Variants in SORCS1 observed in about 807,000 individuals in gnomAD.
The protein encoded by SORCS1 is VPS10 domain-containing receptor SorCS1.
SORCS1 carries 60 observed loss-of-function variants against 146.1 expected under a neutral mutation model. The observed-to-expected ratio is 0.41, with a 90% CI of 0.33 to 0.51. The LOEUF (loss-of-function observed/expected upper bound fraction) is 0.51. Ranked by LOEUF, SORCS1 falls within the 20% of genes least tolerant of loss-of-function variation. The pLI is 0.21. For missense variants in SORCS1, 1,352 were observed against 1,487.6 expected (o/e 0.91, Z 1.50); for synonymous variants, 637 against 584.0 (o/e 1.09, Z -1.31).
chr10:107,014,082 G>A lies in SORCS1; in HGVS notation c.559-57502C>T, dbSNP rs145327593. 9.8e-3 allele frequency among the ~76,000 whole-genome samples: 1,484 copies of A among 151,950 alleles called. 17 individuals are homozygous for A. Among genetic ancestry groups the A allele is most frequent in the Non-Finnish European group, 0.015 (1,012 of 67,952 alleles). ...ATCCTGGCCAACATGGTGAAACCCC[G>A]TCTCTACTAAAAATACAAAATTAGC... is the stretch of plus-strand genomic sequence containing the variant. On this transcript the variant is annotated intron_variant, in intron 1 of 25. Transcript: ENST00000263054.
In SORCS1 at chr10:106,607,171, C is replaced by G; in HGVS notation, c.3160G>C (p.Glu1054Gln). Reference protein sequence around the residue: ...GENKRSTDDLEQISELLIHTL... With the variant: ...GENKRSTDDLQQISELLIHTL... ...TCCTTTTCCAGGGGACTCACCTGCT[C>G]CAGGTCATCAGTTGACCTTTTGTTT... Residue 1054 changes from glutamate (E) to glutamine (Q), a missense_variant, in exon 23 of 26, where the codon GAG becomes CAG. Glu to Gln is a conservative substitution (Grantham distance 29). Coordinates refer to ENST00000263054, the MANE Select transcript of SORCS1 (RefSeq NM_052918.5). 6.2e-7 allele frequency: 1 copy of G among 1,613,956 alleles called. No individual in the cohort carries two copies. The highest frequency in any genetic ancestry group is 1.3e-5 in the African/African-American group (1 of 75,016).
intron 2 of SORCS1, among the ~76,000 whole-genome samples, chr10:106,892,649 T>C (rs1951280212): frequency 6.6e-6 from 1 of 152,192 alleles, no homozygotes; most frequent in South Asian, 2.1e-4. Context: ...TTAGGCAAGA[T>C]GTAAATATAA....
At chr10:106,940,245 T>C (rs963544355) in intron 2 of SORCS1, among the ~76,000 whole-genome samples, 2 of 152,236 alleles carry the variant, frequency 1.3e-5, no homozygotes, top group African/African-American at 4.8e-5. Flanking sequence ...CATTGATTAC[T>C]TGTGATAACT....
chr10:106,586,004 C>G (rs530209442), intron 24 of SORCS1, among the ~76,000 whole-genome samples: 2 of 152,180 alleles, frequency 1.3e-5, no homozygotes, highest in Non-Finnish European at 2.9e-5. Flanking sequence ...TAAGACTAGA[C>G]GCATAAGCAA....
chr10:106,925,300 C>T (rs1360170019), intron 2 of SORCS1, among the ~76,000 whole-genome samples: 1 of 152,098 alleles, frequency 6.6e-6, no homozygotes, highest in Non-Finnish European at 1.5e-5. Flanking sequence ...TGGGCCAGCA[C>T]TCAGGCTGCC....
chr10:106,769,693 C>G (rs1859860573), intron 4 of SORCS1, among the ~76,000 whole-genome samples: 1 of 152,230 alleles, frequency 6.6e-6, no homozygotes, highest in South Asian at 2.1e-4. Context: ...TACTAAAATT[C>G]TGTCATTGGC....
At chr10:106,778,587 G>A (rs1860644422) in intron 3 of SORCS1, among the ~76,000 whole-genome samples, 1 of 152,108 alleles carries the variant, frequency 6.6e-6, no homozygotes, top group African/African-American at 2.4e-5. Flanking sequence ...TCATATTTAT[G>A]AATACATAAA....
At chr10:106,806,389 T>A (rs867693228) in intron 3 of SORCS1, among the ~76,000 whole-genome samples, 2 of 82,102 alleles carry the variant, frequency 2.4e-5, no homozygotes, top group Non-Finnish European at 4.3e-5. Flanking sequence ...AAAATAAAAA[T>A]AAAATAAAAT....
intron 18 of SORCS1, among the ~76,000 whole-genome samples, chr10:106,629,990 T>A (rs1051268435): frequency 2.0e-5 from 3 of 152,118 alleles, no homozygotes; most frequent in Non-Finnish European, 4.4e-5. Flanking sequence ...GGTTGCAGTG[T>A]GCCAAGATCA....
chr10:106,982,756 C>A (rs537791825), intron 1 of SORCS1, among the ~76,000 whole-genome samples: 1 of 152,238 alleles, frequency 6.6e-6, no homozygotes, highest in African/African-American at 2.4e-5. Flanking sequence ...GGCTTGCTGG[C>A]TGCAGTTTAC....
At chr10:107,146,467 A>G (rs1239826694) in intron 1 of SORCS1, among the ~76,000 whole-genome samples, 2 of 152,190 alleles carry the variant, frequency 1.3e-5, no homozygotes, top group East Asian at 3.8e-4. Flanking sequence ...TAACGTCTCA[A>G]AGACTACAGA....
chr10:106,769,335 A>T (rs1372459490), intron 4 of SORCS1, among the ~76,000 whole-genome samples: 2 of 152,058 alleles, frequency 1.3e-5, no homozygotes, highest in African/African-American at 2.4e-5. Context: ...AAATACAAAA[A>T]TTAGCCGGGC....
intron 4 of SORCS1, among the ~76,000 whole-genome samples, chr10:106,764,459 G>A (rs1307960623): frequency 3.3e-5 from 5 of 152,286 alleles, no homozygotes; most frequent in African/African-American, 1.2e-4. Context: ...ATGAGTCAAT[G>A]TCCTTTAATA....
intron 3 of SORCS1, 152 bp from the exon 4 acceptor site, chr10:106,776,844 T>C: frequency 1.3e-6 from 1 of 741,366 alleles, no homozygotes; most frequent in Non-Finnish European, 2.1e-6. Flanking sequence ...TCAGGATTAT[T>C]TTTCCATCTT....
intron 19 of SORCS1, among the ~76,000 whole-genome samples, chr10:106,622,620 A>G (rs1039226722): frequency 1.3e-5 from 2 of 151,854 alleles, no homozygotes; most frequent in Non-Finnish European, 2.9e-5. Flanking sequence ...GTTGAGAAGC[A>G]GTTGATTATA....
intron 8 of SORCS1, among the ~76,000 whole-genome samples, chr10:106,703,318 A>G (rs535068639): frequency 1.3e-5 from 2 of 152,234 alleles, no homozygotes; most frequent in Admixed American, 1.3e-4. Context: ...CCTGGTCCAC[A>G]TCGATCTTCC....
chr10:106,863,942 C>A (rs959659715), intron 2 of SORCS1, among the ~76,000 whole-genome samples: 1 of 152,036 alleles, frequency 6.6e-6, no homozygotes, highest in African/African-American at 2.4e-5. Context: ...CACTCAGATT[C>A]TTCTTGGCTT....
chr10:106,815,761 A>G (rs1197675464), intron 3 of SORCS1, among the ~76,000 whole-genome samples: 1 of 152,192 alleles, frequency 6.6e-6, no homozygotes, highest in Non-Finnish European at 1.5e-5. Context: ...AATAGAGGGG[A>G]GAAGGGAAAT....
chr10:106,841,081 C>T (rs1244603098), intron 2 of SORCS1, among the ~76,000 whole-genome samples: 10 of 150,618 alleles, frequency 6.6e-5, no homozygotes, highest in Admixed American at 6.6e-4. Flanking sequence ...GTCTAGATCT[C>T]CTGACCTCAT....
Sources: gnomAD v4.1 joint callset for allele counts (sites outside exome capture counted in the v4.1 genomes callset) on GRCh38, gnomAD v4.1.1 for gene constraint, MANE v1.5 for transcripts, NCBI Gene and HGNC (gene_info 2026-07-23, HGNC 2026-07-21) for gene names.